Variants in TMEM114 observed in about 807,000 individuals in gnomAD.
The protein encoded by TMEM114 is transmembrane protein 114.
A neutral mutation model predicts 6.2 loss-of-function variants in TMEM114; 6 were observed. The ratio of observed to expected loss-of-function variants is 0.97; its 90% CI spans 0.53 to 1.91. The LOEUF (loss-of-function observed/expected upper bound fraction) is 1.91, where lower values mean the gene tolerates loss of function less well. Ranked by LOEUF, TMEM114 falls within the 40% of genes most tolerant of loss-of-function variation. TMEM114 has a pLI of 0.01. For synonymous variants in TMEM114, 104 were observed against 73.0 expected (o/e 1.42, Z -2.16); for missense variants, 218 against 158.3 (o/e 1.38, Z -2.02).
the TMEM114 span, among the ~76,000 whole-genome samples, chr16:8,529,671 T>C: frequency 6.6e-4 from 101 of 152,050 alleles, 2 homozygotes; most frequent in East Asian, 0.018. Flanking sequence ...TTGAGAACCA[T>C]TGGGCTTACT....
intron 2 of TMEM114, among the ~76,000 whole-genome samples, chr16:8,581,306 A>T (rs1902139545): frequency 6.6e-6 from 1 of 152,248 alleles, no homozygotes; most frequent in African/African-American, 2.4e-5. Context: ...TACAGGCTAT[A>T]TAATATTCCA....
At chr16:8,542,473 C>G (rs1007084031) in intron 2 of TMEM114, among the ~76,000 whole-genome samples, 2 of 152,190 alleles carry the variant, frequency 1.3e-5, no homozygotes, top group Non-Finnish European at 2.9e-5. Flanking sequence ...ACTTTCATAT[C>G]TGATTTCAGG....
Position 8,572,183 on chromosome 16 carries a change from T to C in TMEM114, c.343A>G (p.Ile115Val), listed in dbSNP as rs1295602981. 1.3e-6 allele frequency: 2 copies of C among 1,551,414 alleles called. No homozygotes were observed. Among genetic ancestry groups the C allele is most frequent in the African/African-American group, 2.7e-5 (2 of 72,966 alleles). ...GTCATCCCCCCAAAAACCATCAGGA[T>C]CAGGCTGAGCGGCAGCAGAATCACA... ...TFVILLPLSL[I>V]LMVFGGMTGF... is the part of the protein sequence containing the mutation. The change falls in exon 3 of 4, where the codon ATC (isoleucine) becomes GTC (valine). Residue 115 changes from isoleucine to valine, a missense_variant. By Grantham distance (29) the Ile-to-Val change is conservative. Coordinates refer to ENST00000620492, the MANE Select transcript of TMEM114 (RefSeq NM_001146336.2).
intron 2 of TMEM114, among the ~76,000 whole-genome samples, chr16:8,559,023 G>A (rs533255109): frequency 2.0e-5 from 3 of 150,836 alleles, no homozygotes; most frequent in South Asian, 2.1e-4. Flanking sequence ...GATTAAAGGC[G>A]TGAGCCACTG....
intron 2 of TMEM114, among the ~76,000 whole-genome samples, chr16:8,539,010 T>G (rs1311803494): frequency 6.6e-6 from 1 of 152,196 alleles, no homozygotes; most frequent in Non-Finnish European, 1.5e-5. Context: ...TCAATAAATA[T>G]GTACTCAATA....
At chr16:8,544,442 T>C (rs1900600583) in intron 2 of TMEM114, among the ~76,000 whole-genome samples, 1 of 152,202 alleles carries the variant, frequency 6.6e-6, no homozygotes, top group Admixed American at 6.5e-5. Context: ...GAGCAGGGTC[T>C]TAATGGATAT....
At chr16:8,530,563 G>A in the TMEM114 span, among the ~76,000 whole-genome samples, 7 of 133,092 alleles carry the variant, frequency 5.3e-5, no homozygotes, top group African/African-American at 1.8e-4. Flanking sequence ...GGAAGACAGC[G>A]AGGGAGACAG....
downstream of TMEM114, among the ~76,000 whole-genome samples, chr16:8,535,426 A>G (rs1900327630): frequency 1.3e-5 from 2 of 152,030 alleles, no homozygotes; most frequent in South Asian, 2.1e-4. Flanking sequence ...TTCTTCTTAC[A>G]ATCTTCGCTG....
At chr16:8,583,975 TCCC>T (rs545237436) in intron 2 of TMEM114, among the ~76,000 whole-genome samples, 1 of 152,140 alleles carries the variant, frequency 6.6e-6, no homozygotes, top group Non-Finnish European at 1.5e-5. Context: ...GCATATTCCA[TCCC>T]CTTGGCTGGA....
Position 8,550,351 on chromosome 16 carries a change from C to T in TMEM114, n.213-12525G>A, listed in dbSNP as rs1900801328. The stretch of plus-strand genomic sequence containing the variant: ...CACTTAATATTAACCATCACAGTAC[C>T]CTAGAATTTTGTTCGTGTTCTCTGG... On this transcript the variant is annotated intron_variant and non_coding_transcript_variant, in intron 2 of 2. Transcript: ENST00000623677. 1.3e-5 allele frequency among the ~76,000 whole-genome samples: 2 copies of T among 152,158 alleles called. 1 individual carries two copies. The highest frequency in any genetic ancestry group is 4.8e-5 in the African/African-American group (2 of 41,438).
intron 2 of TMEM114, among the ~76,000 whole-genome samples, chr16:8,586,058 C>T (rs1305921618): frequency 2.6e-5 from 4 of 152,120 alleles, no homozygotes; most frequent in African/African-American, 7.2e-5. Context: ...CAGCCCAGTG[C>T]CTATTGTGGT....
chr16:8,561,443 C>G (rs1901197068), intron 2 of TMEM114, among the ~76,000 whole-genome samples: 1 of 152,204 alleles, frequency 6.6e-6, no homozygotes, highest in Non-Finnish European at 1.5e-5. Flanking sequence ...GTCTGTCATA[C>G]CCGTGCACTC....
chr16:8,541,176 T>C (rs1248576486), intron 2 of TMEM114, among the ~76,000 whole-genome samples: 1 of 152,152 alleles, frequency 6.6e-6, no homozygotes, highest in Non-Finnish European at 1.5e-5. Context: ...CTCATGACAA[T>C]ACCATGAAGT....
At chr16:8,553,251 G>A (rs1254535592) in intron 2 of TMEM114, among the ~76,000 whole-genome samples, 1 of 152,192 alleles carries the variant, frequency 6.6e-6, no homozygotes, top group East Asian at 1.9e-4. Context: ...GTGATTTAAT[G>A]GGCATTCTTT....
intron 2 of TMEM114, among the ~76,000 whole-genome samples, chr16:8,585,789 C>T (rs1902299032): frequency 1.3e-5 from 2 of 152,162 alleles, no homozygotes; most frequent in African/African-American, 2.4e-5. Flanking sequence ...TTTAAATACA[C>T]TGTCCTGTTT....
intron 2 of TMEM114, among the ~76,000 whole-genome samples, chr16:8,541,934 G>C (rs1900526873): frequency 6.6e-6 from 1 of 152,104 alleles, no homozygotes; most frequent in South Asian, 2.1e-4. Context: ...AAGAACAAAG[G>C]GCTTAGAGAG....
intron 2 of TMEM114, among the ~76,000 whole-genome samples, chr16:8,581,964 C>G (rs1902166618): frequency 6.6e-6 from 1 of 152,204 alleles, no homozygotes; most frequent in East Asian, 1.9e-4. Context: ...CAGGCAGCCT[C>G]TTCAAGCATT....
At chr16:8,548,167 T>G (rs4354918) in intron 2 of TMEM114, among the ~76,000 whole-genome samples, 95,265 of 152,068 alleles carry the variant, frequency 0.63, 30,915 homozygotes, top group African/African-American at 0.78. Context: ...CCCGCCCCTA[T>G]TAACGGTGGG....
chr16:8,565,196 A>C (rs1284291404), downstream of TMEM114, among the ~76,000 whole-genome samples: 3 of 152,072 alleles, frequency 2.0e-5, no homozygotes, highest in African/African-American at 7.2e-5. Context: ...GATTAATGGG[A>C]AAATGTATGA....
Sources: gnomAD v4.1 joint callset for allele counts (sites outside exome capture counted in the v4.1 genomes callset) on GRCh38, gnomAD v4.1.1 for gene constraint, MANE v1.5 for transcripts, NCBI Gene and HGNC (gene_info 2026-07-23, HGNC 2026-07-21) for gene names.